Variants in KIF3C observed in about 807,000 individuals in gnomAD.
The protein encoded by KIF3C is kinesin family member 3C, also known as kinesin-like protein KIF3C.
Under a neutral mutation model 67.7 loss-of-function variants are expected in KIF3C, and 12 were observed. That is an observed-to-expected ratio of 0.18 (90% confidence interval 0.11 to 0.29). The LOEUF is 0.29. Ranked by LOEUF, KIF3C falls within the 10% of genes least tolerant of loss-of-function variation. KIF3C has a pLI of 1.00. For missense variants in KIF3C, 789 were observed against 1,059.6 expected (o/e 0.74, Z 3.55); for synonymous variants, 393 against 426.2 (o/e 0.92, Z 0.96).
intron 4 of KIF3C, among the ~76,000 whole-genome samples, chr2:25,952,588 G>A (rs969440689): frequency 8.6e-5 from 12 of 140,250 alleles, no homozygotes; most frequent in African/African-American, 3.2e-4. Context: ...AGACAGTTTT[G>A]CACTTGTTGC....
At chr2:25,964,100 G>A (rs1326626799) in intron 1 of KIF3C, among the ~76,000 whole-genome samples, 2 of 152,084 alleles carry the variant, frequency 1.3e-5, no homozygotes, top group Admixed American at 6.6e-5. Flanking sequence ...TTGAGGCCAG[G>A]AGTTTGAGAC....
At position 25,980,169 on chromosome 2, in the gene KIF3C, G is replaced by A. The variant is rs1336397883; in HGVS notation, c.1545+204C>T. Among the ~76,000 whole-genome samples the A allele has an allele frequency of 3.9e-5, 6 of 152,198 alleles. No homozygotes were observed. Among genetic ancestry groups the A allele is most frequent in the Non-Finnish European group, 7.3e-5 (5 of 68,042 alleles). On this transcript the variant is annotated intron_variant, in intron 1 of 7. Coordinates refer to ENST00000264712, the MANE Select transcript of KIF3C (RefSeq NM_002254.8). This position sits in a 1 kb window ranked among gnomAD's most constrained non-coding sequence, Gnocchi z 7.6. ...ACCGCCTGTCCACGTTGCTTCGTGT[G>A]TGTGTGCCTGTGCATGTACCTGGCA... is the stretch of plus-strand genomic sequence containing the variant.
intron 1 of KIF3C, among the ~76,000 whole-genome samples, chr2:25,963,776 T>C (rs1360004547): frequency 6.6e-6 from 1 of 150,522 alleles, no homozygotes; most frequent in African/African-American, 2.4e-5. Context: ...CACTGCAACC[T>C]CTGCCTCCCA....
Position 25,980,572 on chromosome 2 carries a change from A to G in KIF3C, c.1346T>C (p.Leu449Pro). 1 of 1,614,112 alleles carries G rather than the reference A, an allele frequency of 6.2e-7. No homozygotes were observed. The highest frequency in any genetic ancestry group is 1.1e-5 in the South Asian group (1 of 91,080). The change falls in exon 1 of 8, where the codon CTG becomes CCG. Residue 449 changes from leucine to proline, a missense_variant. Physicochemically the swap from Leu to Pro is moderately conservative, Grantham distance 98. Transcript: ENST00000264712. This position sits in a 1 kb window ranked among gnomAD's most constrained non-coding sequence, Gnocchi z 7.6. Reference sequence around the variant, plus strand: ...CATGTTCTTCTCCAAGGCTGACTCCAGGATGGGCTGGGGCGGGCGGTGGTT... The same window carrying G: ...CATGTTCTTCTCCAAGGCTGACTCCGGGATGGGCTGGGGCGGGCGGTGGTT... ...NNNHRPPQPI[L>P]ESALEKNMEN... is the part of the protein sequence containing the mutation.
At chr2:25,937,208 C>T (rs1310795844) in intron 5 of KIF3C, among the ~76,000 whole-genome samples, 3 of 152,222 alleles carry the variant, frequency 2.0e-5, no homozygotes, top group Non-Finnish European at 4.4e-5. Context: ...AAGAAACAGG[C>T]CGAGTAACTC....
intron 1 of KIF3C, among the ~76,000 whole-genome samples, chr2:25,971,996 G>A (rs984323106): frequency 4.0e-5 from 6 of 149,358 alleles, no homozygotes; most frequent in African/African-American, 1.5e-4. Flanking sequence ...CAATATACTG[G>A]GATTTCAGGC....
chr2:25,942,561 C>T (rs1032421672), intron 5 of KIF3C, among the ~76,000 whole-genome samples: 1 of 151,870 alleles, frequency 6.6e-6, no homozygotes, highest in East Asian at 2.0e-4. Flanking sequence ...CAGGCATATG[C>T]CACCACACCT....
At position 25,928,879 on chromosome 2, in the gene KIF3C, GCACGCA is replaced by G. The variant is rs1388279169; in HGVS notation, c.*93_*98del. ...CCCCTGCACACACGCACACGCACAT[GCACGCA>G]CACGCACACGCACCAAGCGGCAGAT... On this transcript the variant is annotated 3_prime_UTR_variant, in exon 8 of 8. Coordinates refer to ENST00000264712, the MANE Select transcript of KIF3C (RefSeq NM_002254.8). 4.5e-5 allele frequency: 42 copies of G among 938,138 alleles called. No individual in the cohort carries two copies. Among genetic ancestry groups the G allele is most frequent in the East Asian group, 2.2e-4 (9 of 41,286 alleles). 58.1% of individuals were successfully genotyped at this position (938,138 alleles called of 1,614,324 possible). A position where few individuals can be genotyped will look rare whatever the true frequency, so the allele number is the denominator to read the frequency against.
chr2:25,939,806 T>C (rs1048846795), intron 5 of KIF3C, among the ~76,000 whole-genome samples: 2 of 151,772 alleles, frequency 1.3e-5, no homozygotes, highest in African/African-American at 4.8e-5. Flanking sequence ...AAAAATTAGC[T>C]GGGCATGGTG....
intron 5 of KIF3C, among the ~76,000 whole-genome samples, chr2:25,946,108 G>A (rs896044937): frequency 1.3e-5 from 2 of 151,868 alleles, no homozygotes; most frequent in African/African-American, 2.4e-5. Flanking sequence ...GCGAGATTCC[G>A]TATCAAAAAA....
In KIF3C at chr2:25,930,054, G is replaced by C. The variant is rs761866918; in HGVS notation, c.2016C>G (p.Ser672Arg). The C allele has an allele frequency of 6.2e-7, 1 of 1,613,114 alleles. No homozygotes were observed. ...QPLVPAGVSS[S>R]QMKKRPTSAV... ...CAGATGTTGGCCGCTTCTTCATCTG[G>C]CTGCTACTGCTGTAGGAAAGAGGCT... The change falls in exon 6 of 8, where the codon AGC becomes AGG. Residue 672 changes from serine (S) to arginine (R), a missense_variant. This residue lies in a region of KIF3C where 648 missense variants were observed against 807.8 expected (regional missense o/e 0.80). Coordinates refer to ENST00000264712, the MANE Select transcript of KIF3C (RefSeq NM_002254.8).
In KIF3C at chr2:25,953,666, G is replaced by GTT. The variant is rs1195374364; in HGVS notation, c.1889+599_1889+600dup. 5.2e-4 allele frequency among the ~76,000 whole-genome samples: 49 copies of GTT among 94,512 alleles called. 1 individual carries two copies. The highest frequency in any genetic ancestry group is 0.013 in the Middle Eastern group (1 of 76). The allele number at this position is 94,512 out of a possible 152,430, so 62.0% of individuals were successfully genotyped here. On this transcript the variant is annotated intron_variant, in intron 4 of 7. Coordinates refer to ENST00000264712, the MANE Select transcript of KIF3C (RefSeq NM_002254.8). ...TGAGCCACTGCGCCCGGCCTTTTTT[G>GTT]TTTTTGTTTTTTTTTTTTTTTTGAG...
intron 5 of KIF3C, among the ~76,000 whole-genome samples, chr2:25,947,121 C>T (rs939362423): frequency 7.9e-5 from 12 of 152,068 alleles, no homozygotes; most frequent in African/African-American, 2.9e-4. Flanking sequence ...TGCCATTGCA[C>T]TCCAGCCTGG....
At chr2:25,963,673 A>T (rs557430867) in intron 1 of KIF3C, among the ~76,000 whole-genome samples, 18 of 110,280 alleles carry the variant, frequency 1.6e-4, no homozygotes, top group African/African-American at 3.7e-4. Context: ...AAGTATTATT[A>T]TTATTATTAT....
In KIF3C at chr2:25,953,607, G is replaced by A. The variant is rs1213353835; in HGVS notation, c.1889+660C>T. On this transcript the variant is annotated intron_variant, in intron 4 of 7. Transcript: ENST00000264712. ...GATCTCCTGACCTCGTGATCCACCT[G>A]CCTCAGCCTCCCAAAGTGCTGGGAT... is the stretch of plus-strand genomic sequence containing the variant. Among the ~76,000 whole-genome samples the A allele has an allele frequency of 2.0e-5, 3 of 150,986 alleles. No homozygotes were observed. The East Asian group carries it at 5.9e-4, about 30-fold the overall frequency.
In KIF3C at chr2:25,934,144, T is replaced by C. The variant is rs1445710453; in HGVS notation, c.2007-4081A>G. On this transcript the variant is annotated intron_variant, in intron 5 of 7. Transcript: ENST00000264712. ...CGGACTACATATTGTGTGATTCCATTTACATAAAATATCTGGAATAGGTAA... is the reference window on the plus strand; with the variant it reads ...CGGACTACATATTGTGTGATTCCATCTACATAAAATATCTGGAATAGGTAA... 1.9e-5 allele frequency: 9 copies of C among 470,986 alleles called. No homozygotes were observed. In the East Asian group the frequency reaches 6.3e-4, roughly 33 times the overall value. 29.2% of individuals were successfully genotyped at this position (470,986 alleles called of 1,614,324 possible). A position where few individuals can be genotyped will look rare whatever the true frequency, so the allele number is the denominator to read the frequency against.
intron 1 of KIF3C, among the ~76,000 whole-genome samples, chr2:25,956,678 C>T (rs775320934): frequency 2.2e-4 from 33 of 152,100 alleles, no homozygotes; most frequent in Non-Finnish European, 4.6e-4. Context: ...GGGTGCCCCT[C>T]GGGGAATCTA....
chr2:25,958,564 G>T lies in KIF3C; in HGVS notation c.1546-2120C>A, dbSNP rs1182861852. On this transcript the variant is annotated intron_variant, in intron 1 of 7. Coordinates refer to ENST00000264712, the MANE Select transcript of KIF3C (RefSeq NM_002254.8). The surrounding 1 kb of genome is among the most constrained non-coding windows in gnomAD (Gnocchi z 4.5). ...CCACTGCACTCCAGCCTGGGTGCCAGAGTGAGACTTCATCACAAAAAACAA... is the reference window on the plus strand; with the variant it reads ...CCACTGCACTCCAGCCTGGGTGCCATAGTGAGACTTCATCACAAAAAACAA... Among the ~76,000 whole-genome samples, 1 of 151,240 alleles carries T rather than the reference G, an allele frequency of 6.6e-6. No individual in the cohort carries two copies. Among genetic ancestry groups the T allele is most frequent in the Non-Finnish European group, 1.5e-5 (1 of 67,742 alleles).
intron 5 of KIF3C, among the ~76,000 whole-genome samples, chr2:25,932,833 AAAAACAAAACAAAACAAAACAAAAC>A (rs59590442): frequency 4.6e-4 from 67 of 146,252 alleles, no homozygotes; most frequent in African/African-American, 1.6e-3. Context: ...ACTCCATCTC[AAAAACAAAACAAAACAAAACAAAAC>A]AAAACAAAAC....
Sources: allele counts gnomAD v4.1 joint callset (sites outside exome capture counted in the v4.1 genomes callset), GRCh38; gene constraint gnomAD v4.1.1; regional missense constraint gnomAD v4.1.1; non-coding constraint Gnocchi (gnomAD v3.1); transcripts MANE v1.5; gene names NCBI Gene and HGNC (gene_info 2026-07-23, HGNC 2026-07-21).